Variants in TENM1 observed in about 807,000 individuals in gnomAD.
The protein encoded by TENM1 is teneurin-1.
A neutral mutation model predicts 174.8 loss-of-function variants in TENM1; 35 were observed. The observed-to-expected ratio is 0.20, with a 90% CI of 0.15 to 0.27. The LOEUF is 0.27. Ranked by LOEUF, TENM1 falls within the 10% of genes least tolerant of loss-of-function variation. TENM1 has a pLI of 1.00. For synonymous variants in TENM1, 781 were observed against 798.7 expected (o/e 0.98, Z 0.37); for missense variants, 1,633 against 2,130.1 (o/e 0.77, Z 4.59).
In TENM1 at chrX:124,761,774, T is replaced by C. The variant is rs560736098; in HGVS notation, c.536-24577A>G. Among the ~76,000 whole-genome samples the C allele has an allele frequency of 1.7e-4, 19 of 111,606 alleles. No individual in the cohort carries two copies. In the South Asian group the frequency reaches 7.2e-3, roughly 42 times the overall value. On this transcript the variant is annotated intron_variant, in intron 3 of 31. Coordinates refer to ENST00000422452, the Ensembl canonical transcript of TENM1. ...TTTTTCTAAGAAATGCATTTGGAGA[T>C]CTTTCCACGTATGTACATACAAATA...
At chrX:124,653,629 C>T in exon 7 of TENM1, 1 of 1,210,864 alleles carries the variant, frequency 8.3e-7, no homozygotes, top group Admixed American at 2.2e-5. Context: ...AAATTCCCAG[C>T]AGAGAGTCCT....
At chrX:124,579,996 A>G (rs770854221) in intron 11 of TENM1, among the ~76,000 whole-genome samples, 24 of 111,521 alleles carry the variant, frequency 2.2e-4, no homozygotes, top group South Asian at 1.1e-3. Flanking sequence ...GTATTTGCTA[A>G]GCTGGCATAT....
At chrX:125,172,671 C>A in the TENM1 span, among the ~76,000 whole-genome samples, 2 of 84,277 alleles carry the variant, frequency 2.4e-5, no homozygotes, top group African/African-American at 4.8e-5. Flanking sequence ...AGGCGTGAAA[C>A]TAGAATAACA....
At chrX:125,120,716 C>G in the TENM1 span, among the ~76,000 whole-genome samples, 32 of 111,658 alleles carry the variant, frequency 2.9e-4, no homozygotes, top group African/African-American at 1.0e-3. Flanking sequence ...TTGACATCAT[C>G]TTAACATCTG....
chrX:124,585,474 T>C (rs1192233625), intron 11 of TENM1, among the ~76,000 whole-genome samples: 1 of 111,467 alleles, frequency 9.0e-6, no homozygotes, highest in African/African-American at 3.3e-5. Flanking sequence ...AATAAAGATG[T>C]TCTTTGAAAC....
exon 31 of TENM1, chrX:124,382,688 T>C (rs2060172658): frequency 8.3e-7 from 1 of 1,207,262 alleles, no homozygotes; most frequent in Non-Finnish European, 1.1e-6. Flanking sequence ...GATCCCACTC[T>C]TGAGTTTTTG....
chrX:125,117,502 G>T, the TENM1 span, among the ~76,000 whole-genome samples: 1 of 110,916 alleles, frequency 9.0e-6, no homozygotes, highest in South Asian at 3.8e-4. Flanking sequence ...ATTGAACAAT[G>T]AGAACACATG....
At chrX:125,037,046 A>G in the TENM1 span, among the ~76,000 whole-genome samples, 1 of 111,914 alleles carries the variant, frequency 8.9e-6, no homozygotes. Flanking sequence ...TTAGTTATGG[A>G]TATGTATTTT....
At chrX:124,849,506 A>G (rs1368378404) in intron 3 of TENM1, among the ~76,000 whole-genome samples, 1 of 103,796 alleles carries the variant, frequency 9.6e-6, no homozygotes, top group African/African-American at 4.2e-5. Context: ...ACGTGACAAA[A>G]ACTGGAGAAC....
chrX:124,772,963 C>T (rs181199769), intron 3 of TENM1, among the ~76,000 whole-genome samples: 13 of 111,579 alleles, frequency 1.2e-4, no homozygotes, highest in Non-Finnish European at 2.3e-4. Context: ...TTATAACTTA[C>T]GCAACTAGCC....
At chrX:125,150,975 A>G in the TENM1 span, among the ~76,000 whole-genome samples, 1 of 112,548 alleles carries the variant, frequency 8.9e-6, no homozygotes, top group South Asian at 3.6e-4. Context: ...TTCATGCACC[A>G]ATATTTATCA....
intron 3 of TENM1, among the ~76,000 whole-genome samples, chrX:124,788,065 A>G (rs925518827): frequency 1.3e-4 from 14 of 110,973 alleles, no homozygotes; most frequent in African/African-American, 4.6e-4. Flanking sequence ...ATCTCATGAG[A>G]CCCATTCACT....
chrX:124,953,163 C>A (rs2058516514), intron 1 of TENM1, among the ~76,000 whole-genome samples: 1 of 111,839 alleles, frequency 8.9e-6, no homozygotes, highest in African/African-American at 3.2e-5. Flanking sequence ...CATGGTTATG[C>A]CTTTGCAGAT....
intron 23 of TENM1, among the ~76,000 whole-genome samples, chrX:124,430,976 T>C (rs1461607801): frequency 8.9e-6 from 1 of 111,864 alleles, no homozygotes; most frequent in Non-Finnish European, 1.9e-5. Flanking sequence ...TTAGGTACCA[T>C]GCTAGGCACT....
chrX:124,784,479 A>G (rs2054990075), intron 3 of TENM1, among the ~76,000 whole-genome samples: 1 of 111,769 alleles, frequency 8.9e-6, no homozygotes, highest in South Asian at 3.7e-4. Flanking sequence ...CATATACAGC[A>G]GCCAATTTTT....
intron 18 of TENM1, among the ~76,000 whole-genome samples, chrX:124,516,910 G>A (rs1301543576): frequency 1.8e-5 from 2 of 111,482 alleles, no homozygotes; most frequent in East Asian, 5.6e-4. Context: ...AATGCCCATC[G>A]ATGACAGATT....
intron 15 of TENM1, among the ~76,000 whole-genome samples, chrX:124,544,086 C>T (rs904048253): frequency 8.9e-6 from 1 of 112,862 alleles, no homozygotes; most frequent in Non-Finnish European, 1.9e-5. Context: ...CTTTCTTCAC[C>T]CGCCTACCCA....
At chrX:124,504,306 G>A (rs955911614) in intron 18 of TENM1, among the ~76,000 whole-genome samples, 1 of 112,203 alleles carries the variant, frequency 8.9e-6, no homozygotes, top group South Asian at 3.7e-4. Flanking sequence ...TTATGTTTTG[G>A]TTTCTGCATA....
chrX:125,158,694 C>G, the TENM1 span, among the ~76,000 whole-genome samples: 33 of 111,430 alleles, frequency 3.0e-4, no homozygotes, highest in South Asian at 0.011. Context: ...TTGGGTTCCA[C>G]TCCCGGAGAT....
Sources: allele counts gnomAD v4.1 joint callset (sites outside exome capture counted in the v4.1 genomes callset), GRCh38; gene constraint gnomAD v4.1.1; transcripts MANE v1.5; gene names NCBI Gene and HGNC (gene_info 2026-07-23, HGNC 2026-07-21).